DAB2IP: variants seen among roughly 807,000 people sequenced by gnomAD.
DAB2IP encodes the protein DAB2 interacting protein, also known as disabled homolog 2-interacting protein.
In DAB2IP, 28 loss-of-function variants were observed where a neutral mutation model predicts 107.2. That is an observed-to-expected ratio of 0.26 (90% CI 0.19 to 0.36). The LOEUF (loss-of-function observed/expected upper bound fraction) is 0.36, where lower values mean the gene tolerates loss of function less well. Ranked by LOEUF, DAB2IP falls within the 10% of genes least tolerant of loss-of-function variation. DAB2IP has a pLI of 1.00. For missense variants in DAB2IP, 1,400 were observed against 1,644.7 expected, an observed-to-expected ratio of 0.85 and a Z score of 2.57; for synonymous variants, 755 against 706.4, an observed-to-expected ratio of 1.07 and a Z score of -1.09.
intron 2 of DAB2IP, among the ~76,000 whole-genome samples, chr9:121,694,351 T>C (rs1403632262): frequency 2.6e-5 from 4 of 152,164 alleles, no homozygotes; most frequent in African/African-American, 9.7e-5. Flanking sequence ...CTGAAGCTCT[T>C]ATCCTCCCAA....
At chr9:121,770,608 C>T in exon 11 of DAB2IP, 1 of 1,614,140 alleles carries the variant, frequency 6.2e-7, no homozygotes, top group Non-Finnish European at 8.5e-7. Flanking sequence ...CAGCACTGAG[C>T]ACCCCAGGTA....
chr9:121,717,929 C>T (rs551421314), intron 3 of DAB2IP, among the ~76,000 whole-genome samples: 12 of 152,266 alleles, frequency 7.9e-5, no homozygotes, highest in African/African-American at 2.9e-4. Flanking sequence ...CTGTTTGGGC[C>T]GCGTTATGAC....
intron 3 of DAB2IP, among the ~76,000 whole-genome samples, chr9:121,728,069 A>G (rs1831333007): frequency 6.6e-6 from 1 of 152,156 alleles, no homozygotes. Flanking sequence ...TGGTTAAAGT[A>G]CCAACCCAGC....
At chr9:121,628,000 C>A (rs1190231964) in intron 1 of DAB2IP, among the ~76,000 whole-genome samples, 1 of 152,150 alleles carries the variant, frequency 6.6e-6, no homozygotes, top group Admixed American at 6.5e-5. Context: ...GCTTGGGTGC[C>A]AGCATCCCTC....
rs1564207849 is a variant in DAB2IP at position 121,760,041 on chromosome 9, G to A, written c.772G>A (p.Glu258Lys). The change falls in exon 6 of 16, where the codon GAG becomes AAG. Residue 258 changes from glutamate (E) to lysine (K), a missense_variant. Physicochemically the swap from Glu to Lys is moderately conservative, Grantham distance 56. Coordinates refer to ENST00000408936, the Ensembl canonical transcript of DAB2IP. This position sits in a 1 kb window ranked among gnomAD's most constrained non-coding sequence, Gnocchi z 5.9. ...CAAGACGGACAATGTTTTCTGGGGC[G>A]AGCACTTCGAGTTCCACAACTTGCC... The A allele has an allele frequency of 3.1e-6, 5 of 1,613,968 alleles. No individual in the cohort carries two copies. The highest frequency in any genetic ancestry group is 4.2e-6 in the Non-Finnish European group (5 of 1,180,046).
At chr9:121,771,787 G>A (rs1431632363) in intron 11 of DAB2IP, among the ~76,000 whole-genome samples, 1 of 152,104 alleles carries the variant, frequency 6.6e-6, no homozygotes, top group African/African-American at 2.4e-5. Context: ...CTCAGGGAGT[G>A]GCACTTCCTC....
intron 3 of DAB2IP, among the ~76,000 whole-genome samples, chr9:121,754,260 G>A (rs973796034): frequency 1.3e-5 from 2 of 152,232 alleles, no homozygotes; most frequent in African/African-American, 2.4e-5. Flanking sequence ...GGGAGGGACC[G>A]AGGACACTGT....
intron 1 of DAB2IP, among the ~76,000 whole-genome samples, chr9:121,571,586 ATC>A (rs1564677469): frequency 6.6e-6 from 1 of 152,078 alleles, no homozygotes; most frequent in African/African-American, 2.4e-5. Flanking sequence ...GGCTCTGGAC[ATC>A]TCTCCCTGCT....
At chr9:121,597,248 T>G (rs1013440042) in intron 1 of DAB2IP, among the ~76,000 whole-genome samples, 1 of 152,208 alleles carries the variant, frequency 6.6e-6, no homozygotes, top group Non-Finnish European at 1.5e-5. Context: ...GTTTTTTTTG[T>G]GTGTGTAAGT....
At chr9:121,661,093 T>G (rs1833181524) in intron 1 of DAB2IP, among the ~76,000 whole-genome samples, 1 of 151,340 alleles carries the variant, frequency 6.6e-6, no homozygotes, top group African/African-American at 2.4e-5. Context: ...AGGGCTGGGG[T>G]GGGGGATGCC....
intron 3 of DAB2IP, among the ~76,000 whole-genome samples, chr9:121,715,351 C>T (rs113384341): frequency 0.034 from 4,382 of 129,584 alleles, 245 homozygotes; most frequent in African/African-American, 0.13. Flanking sequence ...TTCTTTCTTT[C>T]TTTTTTTTTT....
chr9:121,738,554 A>C (rs1446077772), intron 3 of DAB2IP, among the ~76,000 whole-genome samples: 4 of 152,086 alleles, frequency 2.6e-5, no homozygotes, highest in African/African-American at 7.2e-5. Context: ...CCTCTTCAAG[A>C]AGCCTCCCTA....
Position 121,633,977 on chromosome 9 carries a change from C to G in DAB2IP, c.41-44701C>G, listed in dbSNP as rs1831988046. Among the ~76,000 whole-genome samples the G allele has an allele frequency of 1.3e-5, 2 of 152,178 alleles. No individual in the cohort carries two copies. The highest frequency in any genetic ancestry group is 4.8e-5 in the African/African-American group (2 of 41,450). Reference sequence around the variant, plus strand: ...CTTGATTTCTCCCTGCCCTGTCAGTCAAAATTAGTTACTTCCTCCCTTGTG... The same window carrying G: ...CTTGATTTCTCCCTGCCCTGTCAGTGAAAATTAGTTACTTCCTCCCTTGTG... On this transcript the variant is annotated intron_variant, in intron 1 of 16. Transcript: ENST00000259371. This position sits in a 1 kb window ranked among gnomAD's most constrained non-coding sequence, Gnocchi z 5.1.
chr9:121,610,821 C>T (rs1427086349), intron 1 of DAB2IP, among the ~76,000 whole-genome samples: 5 of 152,068 alleles, frequency 3.3e-5, no homozygotes, highest in Non-Finnish European at 5.9e-5. Context: ...TTTCACGGAC[C>T]GCCAGTCCTG....
At chr9:121,678,955 A>C in intron 2 of DAB2IP, 174 bp downstream of exon 2, 1 of 585,536 alleles carries the variant, frequency 1.7e-6, no homozygotes, top group Non-Finnish European at 2.7e-6. Flanking sequence ...TCCGTGGCTC[A>C]GCCCTGGTCC....
intron 3 of DAB2IP, among the ~76,000 whole-genome samples, chr9:121,716,678 C>T (rs1163525667): frequency 6.6e-6 from 1 of 152,184 alleles, no homozygotes; most frequent in Non-Finnish European, 1.5e-5. Context: ...ACCCAGTGTT[C>T]TGCTTTCTGC....
chr9:121,574,655 A>G (rs1830016662), intron 1 of DAB2IP, among the ~76,000 whole-genome samples: 1 of 152,154 alleles, frequency 6.6e-6, no homozygotes, highest in Non-Finnish European at 1.5e-5. Context: ...ACAGCGAGTG[A>G]GGAACACTTG....
chr9:121,575,573 G>T (rs1453376003), intron 1 of DAB2IP, among the ~76,000 whole-genome samples: 1 of 152,146 alleles, frequency 6.6e-6, no homozygotes, highest in Non-Finnish European at 1.5e-5. Flanking sequence ...AAGTAATGTG[G>T]CCTGACTCAT....
rs200273040 is a variant in DAB2IP, at chr9:121,760,107, G to A, written c.838G>A (p.Asp280Asn). 15 of 1,613,952 alleles carry A rather than the reference G, an allele frequency of 9.3e-6. No homozygotes were observed. In the East Asian group the frequency reaches 1.1e-4, roughly 12 times the overall value. Residue 280 changes from aspartate (D) to asparagine (N), a missense_variant, in exon 6 of 16, where the codon GAC (aspartate) becomes AAC (asparagine). Physicochemically the swap from Asp to Asn is conservative, Grantham distance 23. Around this residue, in one of 3 missense-constraint regions of DAB2IP, gnomAD observed 517 missense variants for 748.6 expected, o/e 0.69. Transcript: ENST00000408936. This position sits in a 1 kb window ranked among gnomAD's most constrained non-coding sequence, Gnocchi z 5.9. ...CACTGTCCACCTGTACCGGGAGACC[G>A]ACAAGAAGAAGAAGAAGGAGCGCAA... is the stretch of plus-strand genomic sequence containing the variant.
Sources: allele counts gnomAD v4.1 joint callset (sites outside exome capture counted in the v4.1 genomes callset), GRCh38; gene constraint gnomAD v4.1.1; regional missense constraint gnomAD v4.1.1; non-coding constraint Gnocchi (gnomAD v3.1); transcripts MANE v1.5; gene names NCBI Gene and HGNC (gene_info 2026-07-23, HGNC 2026-07-21).